ELP4: variants seen among roughly 807,000 people sequenced by gnomAD.
ELP4 encodes the protein elongator acetyltransferase complex subunit 4.
A neutral mutation model predicts 48.9 loss-of-function variants in ELP4; 51 were observed. The ratio of observed to expected loss-of-function variants is 1.04; its 90% CI spans 0.83 to 1.32. ELP4 has a LOEUF of 1.32. Among genes scored for constraint, ELP4 ranks in the 40% most tolerant of loss-of-function variants. The pLI is 0.00. For synonymous variants in ELP4, 210 were observed against 189.2 expected (o/e 1.11, Z -0.90); for missense variants, 519 against 514.6 (o/e 1.01, Z -0.08).
chr11:31,590,435 G>C (rs1362275554), intron 3 of ELP4, among the ~76,000 whole-genome samples: 2 of 152,130 alleles, frequency 1.3e-5, no homozygotes, highest in African/African-American at 4.8e-5. Flanking sequence ...GTATCAAAGA[G>C]CTAAATTTAA....
At chr11:31,527,713 T>C (rs1228733829) in intron 2 of ELP4, among the ~76,000 whole-genome samples, 1 of 152,124 alleles carries the variant, frequency 6.6e-6, no homozygotes. Flanking sequence ...GTATTTCCCT[T>C]GCCTCAGTTC....
At chr11:31,569,095 A>T (rs1480305629) in intron 3 of ELP4, among the ~76,000 whole-genome samples, 1 of 151,946 alleles carries the variant, frequency 6.6e-6, no homozygotes, top group Admixed American at 6.6e-5. Context: ...AAAAAAAAAA[A>T]TAAAAAAAAG....
chr11:31,515,982 G>A (rs1956104750), intron 1 of ELP4, among the ~76,000 whole-genome samples: 1 of 152,004 alleles, frequency 6.6e-6, no homozygotes, highest in African/African-American at 2.4e-5. Context: ...GTAGTGGGAG[G>A]TGCCTGTAGT....
intron 9 of ELP4, among the ~76,000 whole-genome samples, chr11:31,685,288 T>C (rs1386631706): frequency 6.6e-6 from 1 of 151,954 alleles, no homozygotes; most frequent in Non-Finnish European, 1.5e-5. Context: ...GAGGCTGAGG[T>C]TGCAGTGAGC....
intron 5 of ELP4, among the ~76,000 whole-genome samples, chr11:31,623,375 A>T (rs995992713): frequency 1.8e-5 from 2 of 112,934 alleles, no homozygotes; most frequent in African/African-American, 7.0e-5. Context: ...ATATATATAT[A>T]TATATATATA....
Position 31,509,963 on chromosome 11 carries a change from A to T in ELP4, c.179A>T (p.Gln60Leu). 2 of 1,612,936 alleles carry T rather than the reference A, an allele frequency of 1.2e-6. No individual in the cohort carries two copies. Among genetic ancestry groups the T allele is most frequent in the South Asian group, 2.2e-5 (2 of 91,036 alleles). The change falls in exon 1 of 10, where the codon CAG becomes CTG. Residue 60 changes from glutamine to leucine, a missense_variant. By Grantham distance (113) the Gln-to-Leu change is moderately radical. Coordinates refer to ENST00000640961, the MANE Select transcript of ELP4 (RefSeq NM_019040.5). ...AGTRPSVRNGQLLVSTGLPAL... is the reference protein window; with the variant it reads ...AGTRPSVRNGLLLVSTGLPAL... ...ACGCGACCGTCGGTGCGGAATGGAC[A>T]GCTGCTGGTATCAACCGGGCTCCCA...
chr11:31,671,614 A>G lies in ELP4; in HGVS notation c.1143+21393A>G, dbSNP rs149135815. On this transcript the variant is annotated intron_variant, in intron 9 of 9. Coordinates refer to ENST00000640961, the MANE Select transcript of ELP4 (RefSeq NM_019040.5). ...TTTCCAGTTGGACTGAAAGGCATAC[A>G]ACAAAAACCTCATCTAGCCTAGCCT... 5.9e-5 allele frequency among the ~76,000 whole-genome samples: 9 copies of G among 152,314 alleles called. No individual in the cohort carries two copies. The East Asian group carries it at 1.3e-3, about 23-fold the overall frequency.
At chr11:31,529,182 T>C (rs1399246532) in intron 2 of ELP4, among the ~76,000 whole-genome samples, 1 of 152,038 alleles carries the variant, frequency 6.6e-6, no homozygotes, top group African/African-American at 2.4e-5. Context: ...GTGCAGTGTT[T>C]AGTATAGAGT....
intron 9 of ELP4, chr11:31,652,170 C>G (rs900785366): frequency 6.6e-6 from 1 of 151,692 alleles, no homozygotes; most frequent in African/African-American, 2.4e-5. Flanking sequence ...ATTCTATATA[C>G]TCAAACTCTG....
intron 3 of ELP4, among the ~76,000 whole-genome samples, chr11:31,570,118 C>T (rs538307073): frequency 7.3e-4 from 111 of 152,258 alleles, no homozygotes; most frequent in African/African-American, 2.4e-3. Flanking sequence ...CCCAGGTGCC[C>T]GTCAACAGTG....
In ELP4 at chr11:31,514,202, T is replaced by C. The variant is rs1023873410; in HGVS notation, c.223+4195T>C. Among the ~76,000 whole-genome samples the C allele has an allele frequency of 3.3e-5, 5 of 152,342 alleles. No homozygotes were observed. The South Asian group carries it at 8.3e-4, about 25-fold the overall frequency. ...GGCCAGGTGTGGTAGCTCACACTTA[T>C]AATCCCAGCACTTTGGGAAGCCAAG... On this transcript the variant is annotated intron_variant, in intron 1 of 9. Coordinates refer to ENST00000640961, the MANE Select transcript of ELP4 (RefSeq NM_019040.5).
intron 9 of ELP4, among the ~76,000 whole-genome samples, chr11:31,704,111 G>T (rs1399256093): frequency 1.3e-5 from 2 of 151,742 alleles, no homozygotes; most frequent in African/African-American, 4.8e-5. Context: ...AATTTAGTTT[G>T]CAGTGCAATT....
chr11:31,535,692 G>A (rs565948859), intron 2 of ELP4, among the ~76,000 whole-genome samples: 5 of 152,150 alleles, frequency 3.3e-5, no homozygotes, highest in Admixed American at 6.6e-5. Flanking sequence ...TACTCATGCA[G>A]CCACCACCAC....
intron 9 of ELP4, among the ~76,000 whole-genome samples, chr11:31,684,427 G>A (rs1404286450): frequency 1.3e-5 from 2 of 152,068 alleles, no homozygotes; most frequent in South Asian, 2.1e-4. Flanking sequence ...GGCTGGTCTC[G>A]AACTCCTGAC....
rs1222338439 is a variant in ELP4 at position 31,548,959 on chromosome 11, T to G, written c.381+9176T>G. On this transcript the variant is annotated intron_variant, in intron 3 of 9. Coordinates refer to ENST00000640961, the MANE Select transcript of ELP4 (RefSeq NM_019040.5). The stretch of plus-strand genomic sequence containing the variant: ...TGTAGAAAGCTGAAACTGGACCCCT[T>G]CCTTACACCTTATACAAAAATCAAT... Among the ~76,000 whole-genome samples, 5 of 152,214 alleles carry G rather than the reference T, an allele frequency of 3.3e-5. No individual in the cohort carries two copies. The East Asian group carries it at 9.7e-4, about 29-fold the overall frequency.
At chr11:31,744,160 T>A (rs956339955) in intron 9 of ELP4, among the ~76,000 whole-genome samples, 2 of 152,166 alleles carry the variant, frequency 1.3e-5, no homozygotes, top group Admixed American at 6.5e-5. Flanking sequence ...GATAAATTCC[T>A]CAACACGTAC....
At chr11:31,775,515 G>T (rs1948226233) in intron 9 of ELP4, among the ~76,000 whole-genome samples, 1 of 152,162 alleles carries the variant, frequency 6.6e-6, no homozygotes, top group African/African-American at 2.4e-5. Context: ...GAATTCTGAG[G>T]TTATGAGTAC....
At chr11:31,731,069 T>C (rs542910049) in intron 9 of ELP4, among the ~76,000 whole-genome samples, 2 of 152,254 alleles carry the variant, frequency 1.3e-5, no homozygotes, top group East Asian at 3.9e-4. Context: ...CCAGAACCTC[T>C]AATCAGGCTG....
chr11:31,762,470 C>A (rs1380382603), intron 9 of ELP4, among the ~76,000 whole-genome samples: 1 of 151,862 alleles, frequency 6.6e-6, no homozygotes, highest in Non-Finnish European at 1.5e-5. Context: ...TAAAAAATAA[C>A]CTTTAGACTT....
Sources: allele counts gnomAD v4.1 joint callset (sites outside exome capture counted in the v4.1 genomes callset), GRCh38; gene constraint gnomAD v4.1.1; transcripts MANE v1.5; gene names NCBI Gene and HGNC (gene_info 2026-07-23, HGNC 2026-07-21).